UBE3C: variants seen among roughly 807,000 people sequenced by gnomAD.
The protein encoded by UBE3C is ubiquitin protein ligase E3C.
UBE3C carries 42 observed loss-of-function variants against 129.4 expected under a neutral mutation model. The ratio of observed to expected loss-of-function variants is 0.32; its 90% CI spans 0.25 to 0.42. The LOEUF (loss-of-function observed/expected upper bound fraction) is 0.42, where lower values mean the gene tolerates loss of function less well. UBE3C is among the 10% of genes least tolerant of loss of function. UBE3C has a pLI of 1.00. For synonymous variants in UBE3C, 510 were observed against 492.4 expected (o/e 1.04, Z -0.47); for missense variants, 1,049 against 1,319.1 (o/e 0.80, Z 3.17).
chr7:157,213,122 A>G (rs1000467228), intron 13 of UBE3C, among the ~76,000 whole-genome samples: 4 of 152,240 alleles, frequency 2.6e-5, no homozygotes, highest in East Asian at 3.8e-4. Context: ...CATTTATTTA[A>G]TGTAACGTTT....
chr7:157,230,537 A>G (rs1795994247), intron 17 of UBE3C, among the ~76,000 whole-genome samples: 1 of 151,992 alleles, frequency 6.6e-6, no homozygotes, highest in Non-Finnish European at 1.5e-5. Flanking sequence ...TCTACTAAAA[A>G]TAGAAAAATT....
intron 1 of UBE3C, among the ~76,000 whole-genome samples, chr7:157,158,811 G>T (rs1330779163): frequency 4.0e-5 from 6 of 151,616 alleles, no homozygotes; most frequent in African/African-American, 1.5e-4. Flanking sequence ...AAAATCTATT[G>T]TTGATTTTAT....
intron 1 of UBE3C, among the ~76,000 whole-genome samples, chr7:157,154,552 G>T (rs1189096723): frequency 6.6e-6 from 1 of 151,976 alleles, no homozygotes; most frequent in African/African-American, 2.4e-5. Context: ...ATTTTTCATG[G>T]TATATAATAC....
chr7:157,154,708 G>A (rs998720361), intron 1 of UBE3C, among the ~76,000 whole-genome samples: 1 of 152,166 alleles, frequency 6.6e-6, no homozygotes, highest in African/African-American at 2.4e-5. Context: ...CGTATATTGT[G>A]ATATTTAAAT....
chr7:157,232,917 T>C (rs965367385), intron 18 of UBE3C, among the ~76,000 whole-genome samples: 1 of 152,152 alleles, frequency 6.6e-6, no homozygotes, highest in Non-Finnish European at 1.5e-5. Flanking sequence ...TTATGGAAAA[T>C]TGAACCTTTT....
chr7:157,224,700 C>G (rs1470008042), intron 16 of UBE3C, among the ~76,000 whole-genome samples: 8 of 152,012 alleles, frequency 5.3e-5, no homozygotes. Flanking sequence ...CCTATACACT[C>G]TATTTGCATG....
chr7:157,215,018 C>T (rs572571038), intron 13 of UBE3C, among the ~76,000 whole-genome samples: 1 of 152,324 alleles, frequency 6.6e-6, no homozygotes, highest in East Asian at 1.9e-4. Context: ...GTTCACTAAA[C>T]ATTTCCACTC....
intron 5 of UBE3C, among the ~76,000 whole-genome samples, chr7:157,176,067 G>GT (rs1489129150): frequency 1.3e-5 from 2 of 152,050 alleles, no homozygotes; most frequent in Non-Finnish European, 2.9e-5. Context: ...CACCTTTAAC[G>GT]TAACTTTTGA....
intron 1 of UBE3C, among the ~76,000 whole-genome samples, chr7:157,141,880 T>C (rs1807462671): frequency 6.6e-6 from 1 of 152,234 alleles, no homozygotes; most frequent in South Asian, 2.1e-4. Context: ...CCGTGGCTGA[T>C]TCTGTTTTCT....
chr7:157,218,347 G>C (rs988785787), intron 14 of UBE3C, among the ~76,000 whole-genome samples: 8 of 151,942 alleles, frequency 5.3e-5, no homozygotes, highest in Non-Finnish European at 1.2e-4. Flanking sequence ...TGGGACTGAG[G>C]CTGAGGCAGG....
At chr7:157,253,623 T>A (rs1327505354) in intron 19 of UBE3C, among the ~76,000 whole-genome samples, 1 of 152,236 alleles carries the variant, frequency 6.6e-6, no homozygotes, top group African/African-American at 2.4e-5. Flanking sequence ...GGTGATTGTT[T>A]GCTTCATGTC....
intron 8 of UBE3C, among the ~76,000 whole-genome samples, chr7:157,183,087 T>C (rs1206796762): frequency 6.6e-6 from 1 of 152,118 alleles, no homozygotes; most frequent in Admixed American, 6.5e-5. Flanking sequence ...ACTGAAAAAT[T>C]CTGTGAGCAG....
intron 1 of UBE3C, among the ~76,000 whole-genome samples, chr7:157,159,211 C>A (rs1046625327): frequency 3.3e-5 from 5 of 151,740 alleles, no homozygotes; most frequent in Non-Finnish European, 7.4e-5. Flanking sequence ...GCATACACAC[C>A]ATGATTGTGG....
At chr7:157,261,339 A>AAT (rs71189991) in intron 22 of UBE3C, among the ~76,000 whole-genome samples, 1 of 102,156 alleles carries the variant, frequency 9.8e-6, no homozygotes, top group East Asian at 3.1e-4. Flanking sequence ...AAAAAAAAAA[A>AAT]TCCCAAATAG....
Position 157,139,247 on chromosome 7 carries a change from G to A in UBE3C, c.-26G>A, listed in dbSNP as rs199903783. 2.1e-3 allele frequency: 3,181 copies of A among 1,488,094 alleles called. 59 individuals are homozygous for A. The African/African-American group carries it at 0.041, about 19-fold the overall frequency. 92.2% of individuals were successfully genotyped at this position (1,488,094 alleles called of 1,614,324 possible). On this transcript the variant is annotated 5_prime_UTR_variant, in exon 1 of 23. Transcript: ENST00000348165. Reference sequence around the variant, plus strand: ...GCCCGGCTGCTTCCGCGGCGGCGCTGCCCGCACATGGGCTAGGCTGCCAGG... The same window carrying A: ...GCCCGGCTGCTTCCGCGGCGGCGCTACCCGCACATGGGCTAGGCTGCCAGG...
chr7:157,201,476 CAG>C (rs1491148511), intron 10 of UBE3C, among the ~76,000 whole-genome samples: 1 of 118,332 alleles, frequency 8.5e-6, no homozygotes, highest in Non-Finnish European at 1.7e-5. Context: ...CTCACAGCCA[CAG>C]GGGAGGGAGG....
chr7:157,180,296 A>G (rs1474690539), intron 6 of UBE3C, among the ~76,000 whole-genome samples: 2 of 152,206 alleles, frequency 1.3e-5, no homozygotes, highest in Non-Finnish European at 2.9e-5. Flanking sequence ...CAGTAAGTAC[A>G]TTGTTAGTTA....
intron 22 of UBE3C, among the ~76,000 whole-genome samples, chr7:157,261,306 G>GGA (rs1563079209): frequency 1.3e-5 from 1 of 78,030 alleles, no homozygotes; most frequent in Non-Finnish European, 2.3e-5. Context: ...AACTCTGTCT[G>GGA]AAAAAAAAAA....
intron 14 of UBE3C, among the ~76,000 whole-genome samples, chr7:157,217,574 C>T (rs1160511497): frequency 2.0e-5 from 3 of 151,994 alleles, no homozygotes; most frequent in Non-Finnish European, 2.9e-5. Context: ...CGGTGGCTCA[C>T]GCCTGTAATC....
Sources: gnomAD v4.1 joint callset for allele counts (sites outside exome capture counted in the v4.1 genomes callset) on GRCh38, gnomAD v4.1.1 for gene constraint, MANE v1.5 for transcripts, NCBI Gene and HGNC (gene_info 2026-07-23, HGNC 2026-07-21) for gene names.